ADGRG6: variants seen among roughly 807,000 people sequenced by gnomAD.
ADGRG6 encodes G-protein coupled receptor 126.
Under a neutral mutation model 142.4 loss-of-function variants are expected in ADGRG6, and 84 were observed. The observed-to-expected ratio is 0.59, with a 90% CI of 0.49 to 0.71. The LOEUF is 0.71. Ranked by LOEUF, ADGRG6 falls within the 30% of genes least tolerant of loss-of-function variation. The pLI, the probability that ADGRG6 is intolerant of heterozygous loss-of-function variation, is 0.00. For missense variants in ADGRG6, 1,367 were observed against 1,466.6 expected (o/e 0.93, Z 1.11); for synonymous variants, 521 against 520.5 (o/e 1.00, Z -0.01).
Position 142,411,308 on chromosome 6 carries a change from GT to G in ADGRG6, c.2442del (p.Phe814LeufsTer33). The G allele has an allele frequency of 6.4e-7, 1 of 1,574,702 alleles. No individual in the cohort carries two copies. The highest frequency in any genetic ancestry group is 8.7e-7 in the Non-Finnish European group (1 of 1,144,408). Reference protein sequence around the residue: ...CAFWDLNKNKSFGGWNTSGCV... With the variant: ...CAFWDLNKNKXFGGWNTSGCV... ...TGTTTGTTGATTCCTTCAACAGAAAGTTTTGGAGGATGGAACACGTCAGGAT... is the reference window on the plus strand; with the variant it reads ...TGTTTGTTGATTCCTTCAACAGAAAGTTTGGAGGATGGAACACGTCAGGAT... On this transcript the variant is annotated frameshift_variant, in exon 18 of 25. Coordinates refer to ENST00000367609, the MANE Select transcript of ADGRG6 (RefSeq NM_198569.3). LOFTEE classifies it high-confidence loss of function.
intron 24 of ADGRG6, among the ~76,000 whole-genome samples, chr6:142,442,827 T>C (rs987176459): frequency 6.6e-6 from 1 of 152,110 alleles, no homozygotes; most frequent in Admixed American, 6.6e-5. Flanking sequence ...TTTTTTGTTA[T>C]GAAAAGTGTC....
chr6:142,437,609 A>T, intron 23 of ADGRG6, 74 bp downstream of exon 23: 3 of 780,310 alleles, frequency 3.8e-6, no homozygotes, highest in Non-Finnish European at 7.0e-6. Flanking sequence ...TCATTGTCAG[A>T]GCAACCCAGT....
chr6:142,333,673 A>C lies in ADGRG6; in HGVS notation c.103+24029A>C, dbSNP rs1484331206. On this transcript the variant is annotated intron_variant, in intron 2 of 24. Coordinates refer to ENST00000367609, the MANE Select transcript of ADGRG6 (RefSeq NM_198569.3). ...CCACCTTCATCACTTTTGAGCTTCA[A>C]GGTCTGAGAATCTGGAAATATTACT... 2.6e-5 allele frequency among the ~76,000 whole-genome samples: 4 copies of C among 152,166 alleles called. No homozygotes were observed. The East Asian group carries it at 7.7e-4, about 29-fold the overall frequency.
At position 142,403,801 on chromosome 6, in the gene ADGRG6, G is replaced by C; in HGVS notation, c.1956-1G>C. The C allele has an allele frequency of 1.3e-6, 2 of 1,562,570 alleles. No homozygotes were observed. Among genetic ancestry groups the C allele is most frequent in the Non-Finnish European group, 8.6e-7 (1 of 1,156,984 alleles). ...AGTGGCATTTTTTGTCGTTACTTTA[G>C]AGCTTTAAAAACAATTGATGAATTG... is the stretch of plus-strand genomic sequence containing the variant. On this transcript the variant is annotated splice_acceptor_variant, in intron 13 of 24. Transcript: ENST00000367609. LOFTEE classifies it high-confidence loss of function.
intron 24 of ADGRG6, among the ~76,000 whole-genome samples, chr6:142,439,230 A>C (rs906957139): frequency 6.6e-6 from 1 of 152,248 alleles, no homozygotes; most frequent in Non-Finnish European, 1.5e-5. Flanking sequence ...AAAGGGAAAT[A>C]ATAGAATTGC....
intron 2 of ADGRG6, among the ~76,000 whole-genome samples, chr6:142,335,742 A>T (rs1162953046): frequency 6.6e-6 from 1 of 152,332 alleles, no homozygotes; most frequent in East Asian, 1.9e-4. Flanking sequence ...GCTGAACTAT[A>T]GACAGCAGCA....
chr6:142,394,580 A>ATTTTT (rs5880532), intron 9 of ADGRG6, among the ~76,000 whole-genome samples: 1 of 132,976 alleles, frequency 7.5e-6, no homozygotes, highest in East Asian at 2.1e-4. Flanking sequence ...ATCTCTGTAG[A>ATTTTT]TTTTTTTTTT....
chr6:142,406,965 A>G (rs1775834933), intron 15 of ADGRG6, among the ~76,000 whole-genome samples: 2 of 152,090 alleles, frequency 1.3e-5, no homozygotes, highest in African/African-American at 4.8e-5. Flanking sequence ...ATTTGCAAGC[A>G]TCTGTCATTG....
At chr6:142,365,992 TA>T (rs1485159230) in intron 2 of ADGRG6, among the ~76,000 whole-genome samples, 1 of 152,250 alleles carries the variant, frequency 6.6e-6, no homozygotes, top group Non-Finnish European at 1.5e-5. Flanking sequence ...TTTGAAAGTT[TA>T]TGTGTCCATT....
Position 142,367,854 on chromosome 6 carries a change from C to T in ADGRG6, c.389C>T (p.Ser130Phe), listed in dbSNP as rs370942737. 1 of 1,613,336 alleles carries T rather than the reference C, an allele frequency of 6.2e-7. No homozygotes were observed. The highest frequency in any genetic ancestry group is 1.3e-5 in the African/African-American group (1 of 74,902). Reference protein sequence around the residue: ...FNSSANEMHVSFSSDFSIQKK... With the variant: ...FNSSANEMHVFFSSDFSIQKK... ...TCAAGTGCGAATGAGATGCATGTGT[C>T]CTTTTCAAGTGACTTTAGCATCCAG... The change falls in exon 3 of 25, where the codon TCC (serine) becomes TTC (phenylalanine). Residue 130 changes from serine (S) to phenylalanine (F), a missense_variant. Ser to Phe is a radical substitution (Grantham distance 155). Transcript: ENST00000367609.
At chr6:142,369,965 T>C (rs1412857242) in intron 3 of ADGRG6, among the ~76,000 whole-genome samples, 4 of 151,954 alleles carry the variant, frequency 2.6e-5, no homozygotes, top group Non-Finnish European at 5.9e-5. Flanking sequence ...AGAGATGAAA[T>C]GAGTAGAATT....
At chr6:142,356,528 C>T (rs1780453137) in intron 2 of ADGRG6, among the ~76,000 whole-genome samples, 1 of 152,220 alleles carries the variant, frequency 6.6e-6, no homozygotes, top group African/African-American at 2.4e-5. Context: ...CTTCTTGCTT[C>T]ATAACCCTGT....
At chr6:142,347,686 A>T (rs1355850109) in intron 2 of ADGRG6, among the ~76,000 whole-genome samples, 1 of 152,160 alleles carries the variant, frequency 6.6e-6, no homozygotes, top group Non-Finnish European at 1.5e-5. Flanking sequence ...GTATGTCTCT[A>T]CATTCAGTCT....
intron 2 of ADGRG6, among the ~76,000 whole-genome samples, chr6:142,309,861 A>G (rs989589206): frequency 2.0e-5 from 3 of 150,126 alleles, no homozygotes; most frequent in African/African-American, 7.4e-5. Flanking sequence ...TTATTTTCTA[A>G]TGAGTTTATT....
chr6:142,335,094 G>A (rs977222994), intron 2 of ADGRG6, among the ~76,000 whole-genome samples: 22 of 152,264 alleles, frequency 1.4e-4, no homozygotes, highest in African/African-American at 4.6e-4. Flanking sequence ...AGCAAAAGAC[G>A]TGTTTAAAGA....
At chr6:142,320,159 T>C (rs530051705) in intron 2 of ADGRG6, among the ~76,000 whole-genome samples, 1 of 152,252 alleles carries the variant, frequency 6.6e-6, no homozygotes, top group African/African-American at 2.4e-5. Flanking sequence ...TTTTTAAGAC[T>C]CTATGCCTTA....
At chr6:142,392,498 G>T (rs1224441880) in intron 7 of ADGRG6, among the ~76,000 whole-genome samples, 1 of 151,724 alleles carries the variant, frequency 6.6e-6, no homozygotes, top group East Asian at 1.9e-4. Flanking sequence ...AAAATGTTTA[G>T]TGTATCTTAG....
At chr6:142,413,448 C>T (rs1461933745) in intron 18 of ADGRG6, among the ~76,000 whole-genome samples, 1 of 152,162 alleles carries the variant, frequency 6.6e-6, no homozygotes, top group African/African-American at 2.4e-5. Flanking sequence ...TAAAAGTTTT[C>T]ATATTTTCAT....
intron 2 of ADGRG6, among the ~76,000 whole-genome samples, chr6:142,359,057 A>T (rs115582093): frequency 0.012 from 1,748 of 151,338 alleles, 32 homozygotes; most frequent in African/African-American, 0.039. Flanking sequence ...AAAAAAAAAA[A>T]ATATCTGGGC....
Sources: allele counts gnomAD v4.1 joint callset (sites outside exome capture counted in the v4.1 genomes callset), GRCh38; gene constraint gnomAD v4.1.1; transcripts MANE v1.5; gene names NCBI Gene and HGNC (gene_info 2026-07-23, HGNC 2026-07-21).